Variants in PAF1 observed in about 807,000 individuals in gnomAD.
PAF1 encodes PAF1 component of Paf1/RNA polymerase II complex, also known as RNA polymerase II-associated factor 1 homolog.
Under a neutral mutation model 68.4 loss-of-function variants are expected in PAF1, and 31 were observed. The ratio of observed to expected loss-of-function variants is 0.45; its 90% CI spans 0.34 to 0.61. The LOEUF (loss-of-function observed/expected upper bound fraction) is 0.61, where lower values mean the gene tolerates loss of function less well. PAF1 is among the 20% of genes least tolerant of loss of function. The pLI, the probability that PAF1 is intolerant of heterozygous loss-of-function variation, is 0.01. For synonymous variants in PAF1, 256 were observed against 240.5 expected (o/e 1.06, Z -0.60); for missense variants, 435 against 692.9 (o/e 0.63, Z 4.18).
Position 39,386,598 on chromosome 19 carries a change from G to A in PAF1, c.1093-26C>T. The A allele has an allele frequency of 6.2e-7, 1 of 1,612,380 alleles. No individual in the cohort carries two copies. On this transcript the variant is annotated intron_variant, in intron 12 of 13. Transcript: ENST00000221265. The surrounding 1 kb of genome is among the most constrained non-coding windows in gnomAD (Gnocchi z 6.1). ...CTGGAAGCAGCAAGATTGGAATGAGGGGAAGGAGGGTGTTCTGCTGGGTTT... is the reference window on the plus strand; with the variant it reads ...CTGGAAGCAGCAAGATTGGAATGAGAGGAAGGAGGGTGTTCTGCTGGGTTT...
intron 1 of PAF1, among the ~76,000 whole-genome samples, 176 bp downstream of exon 1, chr19:39,390,642 C>T (rs1600617977): frequency 6.6e-6 from 1 of 152,162 alleles, no homozygotes; most frequent in Non-Finnish European, 1.5e-5. Context: ...AAGCCTAATC[C>T]CTGAACTGCA....
Position 39,386,425 on chromosome 19 carries a change from T to G in PAF1, c.1184-22A>C. On this transcript the variant is annotated intron_variant, in intron 13 of 13. Transcript: ENST00000221265. This position sits in a 1 kb window ranked among gnomAD's most constrained non-coding sequence, Gnocchi z 6.1. ...TCATCTGGAAGGGAGTGGAGAGAGATGAAACCCACTTTTCCACCCTCCCAG... is the reference window on the plus strand; with the variant it reads ...TCATCTGGAAGGGAGTGGAGAGAGAGGAAACCCACTTTTCCACCCTCCCAG... 2 of 1,614,038 alleles carry G rather than the reference T, an allele frequency of 1.2e-6. No homozygotes were observed. Among genetic ancestry groups the G allele is most frequent in the Non-Finnish European group, 1.7e-6 (2 of 1,179,962 alleles).
chr19:39,390,301 G>A lies in PAF1; in HGVS notation c.48-12C>T, dbSNP rs1356777768. 1.2e-6 allele frequency: 2 copies of A among 1,608,648 alleles called. No individual in the cohort carries two copies. The highest frequency in any genetic ancestry group is 1.3e-5 in the African/African-American group (1 of 74,914). Reference sequence around the variant, plus strand: ...GGTGGGAATTGGGCCTAGTGGAGAAGAAAGAAACAGTGATAGGTGGAGAGG... The same window carrying A: ...GGTGGGAATTGGGCCTAGTGGAGAAAAAAGAAACAGTGATAGGTGGAGAGG... On this transcript the variant is annotated splice_polypyrimidine_tract_variant and intron_variant, in intron 1 of 13. Coordinates refer to ENST00000221265, the MANE Select transcript of PAF1 (RefSeq NM_019088.4).
At position 39,388,747 on chromosome 19, in the gene PAF1, A is replaced by G. The variant is rs200517122; in HGVS notation, c.740+15T>C. 8.8e-4 allele frequency: 1,419 copies of G among 1,603,640 alleles called. 4 individuals carry two copies. The highest frequency in any genetic ancestry group is 1.1e-3 in the Non-Finnish European group (1,245 of 1,170,340). ...CAGCAAGGAGCAGGCCAAGGTGGAC[A>G]GCAGGACCACCTACCTAATCATGGC... On this transcript the variant is annotated intron_variant, in intron 9 of 13. Coordinates refer to ENST00000221265, the MANE Select transcript of PAF1 (RefSeq NM_019088.4).
At chr19:39,390,337 CAGG>C (rs367745748) in intron 1 of PAF1, 48 bp from the exon 2 acceptor site, 241 of 1,564,670 alleles carry the variant, frequency 1.5e-4, no homozygotes, top group Non-Finnish European at 1.9e-4. Flanking sequence ...ACGGGATTGA[CAGG>C]AGAATGAAAA....
intron 1 of PAF1, 79 bp downstream of exon 1, chr19:39,390,739 C>A: frequency 6.9e-7 from 1 of 1,448,114 alleles, no homozygotes. Flanking sequence ...ACGGGCAGAC[C>A]TGGGGGCTGG....
chr19:39,386,886 G>T lies in PAF1; in HGVS notation c.987-87C>A. ...TCCCCGCCCCCCAGTGAGGGGTCTG[G>T]TCTGACTTGGTTCCCCATCAATACT... On this transcript the variant is annotated intron_variant, in intron 11 of 13. Coordinates refer to ENST00000221265, the MANE Select transcript of PAF1 (RefSeq NM_019088.4). The surrounding 1 kb of genome is among the most constrained non-coding windows in gnomAD (Gnocchi z 6.1). The T allele has an allele frequency of 5.8e-6, 5 of 856,700 alleles. No individual in the cohort carries two copies. The highest frequency in any genetic ancestry group is 5.4e-5 in the South Asian group (4 of 74,242). 53.1% of individuals were successfully genotyped at this position (856,700 alleles called of 1,614,324 possible).
chr19:39,388,477 A>G lies in PAF1; in HGVS notation c.858-10T>C, dbSNP rs745546106. On this transcript the variant is annotated splice_polypyrimidine_tract_variant and intron_variant, in intron 10 of 13. Transcript: ENST00000221265. ...AATTTTGTAGTCATACCTGAAGATG[A>G]GGGCACAGGTTCAGCCCCATTTCTT... 1 of 1,614,148 alleles carries G rather than the reference A, an allele frequency of 6.2e-7. No individual in the cohort carries two copies. Among genetic ancestry groups the G allele is most frequent in the South Asian group, 1.1e-5 (1 of 91,082 alleles).
In PAF1 at chr19:39,389,144, C is replaced by A; in HGVS notation, c.516G>T (p.Arg172Ser). ...QFTEEEIYKDRDSQITAIEKT... is the reference protein window; with the variant it reads ...QFTEEEIYKDSDSQITAIEKT... ...TCTCAATGGCTGTGATCTGGCTATC[C>A]CTGTCTTTGTATATTTCTTCCTCGG... is the stretch of plus-strand genomic sequence containing the variant. Residue 172 changes from arginine (R) to serine (S), a missense_variant, in exon 7 of 14, where the codon AGG (arginine) becomes AGT (serine). Coordinates refer to ENST00000221265, the MANE Select transcript of PAF1 (RefSeq NM_019088.4). The surrounding 1 kb of genome is among the most constrained non-coding windows in gnomAD (Gnocchi z 5.3). 1 of 1,614,126 alleles carries A rather than the reference C, an allele frequency of 6.2e-7. No individual in the cohort carries two copies. Among genetic ancestry groups the A allele is most frequent in the Non-Finnish European group, 8.5e-7 (1 of 1,180,034 alleles).
Position 39,386,498 on chromosome 19 carries a change from T to C in PAF1, c.1167A>G (p.Lys389=), listed in dbSNP as rs1177824580. Reference sequence around the variant, plus strand: ...CAGATTTACCTGAGCCCCCAGCTTCTTTCTCTTCTGTCTCCATCTCCTCTT... The same window carrying C: ...CAGATTTACCTGAGCCCCCAGCTTCCTTCTCTTCTGTCTCCATCTCCTCTT... ...EEEEEMETEE[K]EAGGSDEEQE... The change falls in exon 13 of 14, where the codon AAA becomes AAG. Residue 389 remains lysine (K), a synonymous_variant. Coordinates refer to ENST00000221265, the MANE Select transcript of PAF1 (RefSeq NM_019088.4). The surrounding 1 kb of genome is among the most constrained non-coding windows in gnomAD (Gnocchi z 6.1). The C allele has an allele frequency of 1.4e-5, 22 of 1,614,174 alleles. No homozygotes were observed. The highest frequency in any genetic ancestry group is 1.9e-5 in the Non-Finnish European group (22 of 1,180,004).
chr19:39,389,949 A>T lies in PAF1; in HGVS notation c.170+120T>A. 1 of 1,052,044 alleles carries T rather than the reference A, an allele frequency of 9.5e-7. No individual in the cohort carries two copies. Among genetic ancestry groups the T allele is most frequent in the Non-Finnish European group, 1.5e-6 (1 of 684,614 alleles). The allele number at this position is 1,052,044 out of a possible 1,614,324, so 65.2% of individuals were successfully genotyped here. A position where few individuals can be genotyped will look rare whatever the true frequency, so the allele number is the denominator to read the frequency against. On this transcript the variant is annotated intron_variant, in intron 3 of 13. Transcript: ENST00000221265. This position sits in a 1 kb window ranked among gnomAD's most constrained non-coding sequence, Gnocchi z 5.3. ...TTGCTCCATTAACAATTGAGCAGCT[A>T]CTACTATGTGCTAGGGTAGGTACTG...
At position 39,386,219 on chromosome 19, in the gene PAF1, A is replaced by G. The variant is rs1437763434; in HGVS notation, c.1368T>C (p.Ser456=). 3 of 1,613,902 alleles carry G rather than the reference A, an allele frequency of 1.9e-6. No homozygotes were observed. Among genetic ancestry groups the G allele is most frequent in the Non-Finnish European group, 1.7e-6 (2 of 1,180,008 alleles). The change falls in exon 14 of 14, where the codon AGT becomes AGC. Residue 456 remains serine, a synonymous_variant. Coordinates refer to ENST00000221265, the MANE Select transcript of PAF1 (RefSeq NM_019088.4). This position sits in a 1 kb window ranked among gnomAD's most constrained non-coding sequence, Gnocchi z 6.1. Reference sequence around the variant, plus strand: ...CGGCATCGTCCTCAGAATCAGCATCACTGCCAAAGATCTCCTCTTTGTCAC... The same window carrying G: ...CGGCATCGTCCTCAGAATCAGCATCGCTGCCAAAGATCTCCTCTTTGTCAC... ...AARDKEEIFG[S]DADSEDDADS...
Position 39,388,758 on chromosome 19 carries a change from C to T in PAF1, c.740+4G>A. 6.2e-7 allele frequency: 1 copy of T among 1,612,738 alleles called. No homozygotes were observed. The highest frequency in any genetic ancestry group is 8.5e-7 in the Non-Finnish European group (1 of 1,178,698). ...AGGCCAAGGTGGACAGCAGGACCAC[C>T]TACCTAATCATGGCCTGAGACATCA... On this transcript the variant is annotated splice_donor_region_variant and intron_variant, in intron 9 of 13. Coordinates refer to ENST00000221265, the MANE Select transcript of PAF1 (RefSeq NM_019088.4).
At position 39,389,797 on chromosome 19, in the gene PAF1, C is replaced by A; in HGVS notation, c.171-36G>T. 6.2e-7 allele frequency: 1 copy of A among 1,613,216 alleles called. No homozygotes were observed. Among genetic ancestry groups the A allele is most frequent in the Non-Finnish European group, 8.5e-7 (1 of 1,179,828 alleles). On this transcript the variant is annotated intron_variant, in intron 3 of 13. Coordinates refer to ENST00000221265, the MANE Select transcript of PAF1 (RefSeq NM_019088.4). The surrounding 1 kb of genome is among the most constrained non-coding windows in gnomAD (Gnocchi z 5.3). ...AAACACCTATTGTGGTGTTTGGATT[C>A]CAGCTTCACCCCTCACAGCCCTGCT...
In PAF1 at chr19:39,389,438, C is replaced by A; in HGVS notation, c.359+42G>T. On this transcript the variant is annotated intron_variant, in intron 5 of 13. Transcript: ENST00000221265. The surrounding 1 kb of genome is among the most constrained non-coding windows in gnomAD (Gnocchi z 5.3). ...CCCACTGCCCTCCTGCTTGTAGGGC[C>A]CACCTGAGCCAGTCTCCAGTACCCA... 2 of 1,609,494 alleles carry A rather than the reference C, an allele frequency of 1.2e-6. No individual in the cohort carries two copies. Among genetic ancestry groups the A allele is most frequent in the Non-Finnish European group, 1.7e-6 (2 of 1,175,852 alleles).
At chr19:39,387,782 T>C (rs1169402478) in intron 11 of PAF1, among the ~76,000 whole-genome samples, 3 of 152,258 alleles carry the variant, frequency 2.0e-5, no homozygotes, top group African/African-American at 7.2e-5. Flanking sequence ...ACATGAAGTC[T>C]GTTACTAATA....
intron 11 of PAF1, among the ~76,000 whole-genome samples, 172 bp downstream of exon 11, chr19:39,388,167 C>T (rs1230930373): frequency 7.2e-5 from 11 of 152,100 alleles, no homozygotes. Context: ...TTTCTGGCTC[C>T]TCCTGTTAGA....
rs764847413 is a variant in PAF1 at position 39,388,943 on chromosome 19, T to A, written c.636+4A>T. The A allele has an allele frequency of 3.1e-6, 5 of 1,613,920 alleles. No individual in the cohort carries two copies. Among genetic ancestry groups the A allele is most frequent in the Non-Finnish European group, 4.2e-6 (5 of 1,179,892 alleles). On this transcript the variant is annotated splice_donor_region_variant and intron_variant, in intron 8 of 13. Transcript: ENST00000221265. ...CCCTTTCTACCTCCCACCTTGGGCCTGACCTTAAAGTCTGGGAAGACAGGC... is the reference window on the plus strand; with the variant it reads ...CCCTTTCTACCTCCCACCTTGGGCCAGACCTTAAAGTCTGGGAAGACAGGC...
In PAF1 at chr19:39,391,076, C is replaced by G. The variant is rs1436780218; in HGVS notation, c.-212G>C. 3.2e-6 allele frequency: 2 copies of G among 631,578 alleles called. No individual in the cohort carries two copies. The highest frequency in any genetic ancestry group is 3.7e-5 in the African/African-American group (2 of 54,270). The allele number at this position is 631,578 out of a possible 1,614,324, so 39.1% of individuals were successfully genotyped here. A position where few individuals can be genotyped will look rare whatever the true frequency, so the allele number is the denominator to read the frequency against. On this transcript the variant is annotated 5_prime_UTR_variant, in exon 1 of 14. Coordinates refer to ENST00000221265, the MANE Select transcript of PAF1 (RefSeq NM_019088.4). ...GGCAGCACCGGGGACGGACTCGAAGCTCCGGTTCCACCAACTGCCGCCAAG... is the reference window on the plus strand; with the variant it reads ...GGCAGCACCGGGGACGGACTCGAAGGTCCGGTTCCACCAACTGCCGCCAAG...
Sources: allele counts gnomAD v4.1 joint callset (sites outside exome capture counted in the v4.1 genomes callset), GRCh38; gene constraint gnomAD v4.1.1; non-coding constraint Gnocchi (gnomAD v3.1); transcripts MANE v1.5; gene names NCBI Gene and HGNC (gene_info 2026-07-23, HGNC 2026-07-21).